MBD5: variants seen among roughly 807,000 people sequenced by gnomAD.
MBD5 encodes the protein methyl-CpG-binding domain protein 5.
A neutral mutation model predicts 117.3 loss-of-function variants in MBD5; 13 were observed. That is an observed-to-expected ratio of 0.11 (90% confidence interval 0.07 to 0.18). MBD5 has a LOEUF of 0.18. MBD5 is among the 10% of genes least tolerant of loss of function. The pLI is 1.00. For synonymous variants in MBD5, 727 were observed against 766.4 expected (o/e 0.95, Z 0.85); for missense variants, 1,879 against 2,093.8 (o/e 0.90, Z 2.00).
chr2:148,055,067 C>G (rs1007769266), intron 1 of MBD5: 2 of 152,110 alleles, frequency 1.3e-5, no homozygotes, highest in Non-Finnish European at 2.9e-5. Context: ...CATGATTCTA[C>G]TTTAGATTCA....
intron 4 of MBD5, among the ~76,000 whole-genome samples, chr2:148,419,216 T>C (rs1418990575): frequency 6.6e-6 from 1 of 152,160 alleles, no homozygotes; most frequent in Non-Finnish European, 1.5e-5. Flanking sequence ...TCTTTCCATA[T>C]GCAAAAATGA....
intron 10 of MBD5, among the ~76,000 whole-genome samples, chr2:148,487,553 A>G (rs534071306): frequency 6.6e-6 from 1 of 152,312 alleles, no homozygotes; most frequent in East Asian, 1.9e-4. Flanking sequence ...GTCACTGAGA[A>G]AAAAGGTAAG....
In MBD5 at chr2:148,034,071, T is replaced by G. The variant is rs187030530; in HGVS notation, c.-925+12387T>G. 5.1e-3 allele frequency among the ~76,000 whole-genome samples: 775 copies of G among 152,266 alleles called. 5 individuals carry two copies. Among genetic ancestry groups the G allele is most frequent in the Non-Finnish European group, 7.6e-3 (515 of 68,014 alleles). On this transcript the variant is annotated intron_variant, in intron 1 of 13. Coordinates refer to ENST00000642680, the MANE Select transcript of MBD5 (RefSeq NM_001378120.1). The stretch of plus-strand genomic sequence containing the variant: ...TTAGCCAGGCATGGGGGCAAGTGCC[T>G]GTAGTCCCAGGTCCTTTGGAGGCTG...
chr2:148,254,158 A>G (rs1467548136), intron 3 of MBD5, among the ~76,000 whole-genome samples: 1 of 152,096 alleles, frequency 6.6e-6, no homozygotes, highest in Non-Finnish European at 1.5e-5. Context: ...AGGGATGCCC[A>G]CCCTCTCTGC....
In MBD5 at chr2:148,294,501, G is replaced by GTTTTTTTTTTTTTTTT. The variant is rs58961481; in HGVS notation, c.-679-47708_-679-47693dup. Among the ~76,000 whole-genome samples the GTTTTTTTTTTTTTTTT allele has an allele frequency of 5.8e-4, 66 of 113,234 alleles. 3 individuals are homozygous for GTTTTTTTTTTTTTTTT. Among genetic ancestry groups the GTTTTTTTTTTTTTTTT allele is most frequent in the Middle Eastern group, 4.6e-3 (1 of 218 alleles). The allele number at this position is 113,234 out of a possible 152,430, so 74.3% of individuals were successfully genotyped here. A position where few individuals can be genotyped will look rare whatever the true frequency, so the allele number is the denominator to read the frequency against. ...GGCCTCCCAAAGTGCTGGGATTACA[G>GTTTTTTTTTTTTTTTT]TTTTTTTTTTTTTTTTTTTTGAGAT... is the stretch of plus-strand genomic sequence containing the variant. On this transcript the variant is annotated intron_variant, in intron 3 of 13. Transcript: ENST00000642680.
chr2:148,339,521 C>G (rs1702884875), intron 3 of MBD5, among the ~76,000 whole-genome samples: 1 of 152,102 alleles, frequency 6.6e-6, no homozygotes, highest in Non-Finnish European at 1.5e-5. Flanking sequence ...TCTCAATGAA[C>G]TCATCTCTCA....
chr2:148,114,078 T>TG (rs1276816956), intron 1 of MBD5, among the ~76,000 whole-genome samples: 3 of 152,210 alleles, frequency 2.0e-5, no homozygotes, highest in African/African-American at 7.2e-5. Flanking sequence ...TTCCCATTAT[T>TG]GGTTCAAATA....
In MBD5 at chr2:148,489,300, T is replaced by G. The variant is rs542358586; in HGVS notation, c.3754-86T>G. 3.1e-4 allele frequency: 463 copies of G among 1,506,940 alleles called. 2 individuals are homozygous for G. In the Admixed American group the frequency reaches 7.9e-3, roughly 26 times the overall value. 93.3% of individuals were successfully genotyped at this position (1,506,940 alleles called of 1,614,324 possible). A position where few individuals can be genotyped will look rare whatever the true frequency, so the allele number is the denominator to read the frequency against. ...TCCTTGTTAATATTTGTTTGTCTTTTGGTAAATTTTAAAATTATAGTCTTT... is the reference window on the plus strand; with the variant it reads ...TCCTTGTTAATATTTGTTTGTCTTTGGGTAAATTTTAAAATTATAGTCTTT... On this transcript the variant is annotated intron_variant, in intron 10 of 13. Coordinates refer to ENST00000642680, the MANE Select transcript of MBD5 (RefSeq NM_001378120.1).
chr2:148,025,740 G>C (rs959896903), intron 1 of MBD5: 1 of 152,110 alleles, frequency 6.6e-6, no homozygotes, highest in African/African-American at 2.4e-5. Flanking sequence ...TTATTCTGCA[G>C]TAATTAGTGT....
chr2:148,075,073 G>A (rs1207811064), intron 1 of MBD5, among the ~76,000 whole-genome samples: 2 of 152,100 alleles, frequency 1.3e-5, no homozygotes, highest in Admixed American at 6.5e-5. Flanking sequence ...TAATAGAGAT[G>A]CAGTAGAAAA....
chr2:148,232,125 A>AAATCAAGAG (rs1292804511), intron 2 of MBD5, among the ~76,000 whole-genome samples: 1 of 152,228 alleles, frequency 6.6e-6, no homozygotes, highest in Non-Finnish European at 1.5e-5. Context: ...TCAAAGACTT[A>AAATCAAGAG]AATCAAGAGT....
intron 10 of MBD5, among the ~76,000 whole-genome samples, chr2:148,487,218 G>C (rs1253437953): frequency 6.6e-6 from 1 of 152,096 alleles, no homozygotes; most frequent in African/African-American, 2.4e-5. Flanking sequence ...ATAATCATAC[G>C]CTAAAGGAAA....
At position 148,490,163 on chromosome 2, in the gene MBD5, G is replaced by A. The variant is rs761097979; in HGVS notation, c.4531G>A (p.Glu1511Lys). Residue 1511 changes from glutamate to lysine, a missense_variant, in exon 11 of 14, where the codon GAG becomes AAG. Physicochemically the swap from Glu to Lys is moderately conservative, Grantham distance 56. Transcript: ENST00000642680. ...NYKRTMMSFK[E>K]RLENTVERCA... ...CAAAAGAACTATGATGAGTTTTAAG[G>A]AGAGACTAGAGAACACTGTGGAAAG... The A allele has an allele frequency of 6.2e-7, 1 of 1,614,022 alleles. No individual in the cohort carries two copies. Among genetic ancestry groups the A allele is most frequent in the South Asian group, 1.1e-5 (1 of 91,044 alleles).
chr2:148,403,776 A>G (rs1704996270), intron 4 of MBD5, among the ~76,000 whole-genome samples: 1 of 152,090 alleles, frequency 6.6e-6, no homozygotes, highest in Non-Finnish European at 1.5e-5. Context: ...TTCGTTCAAT[A>G]CAATTCTGTC....
intron 4 of MBD5, among the ~76,000 whole-genome samples, chr2:148,382,864 A>G (rs1413943188): frequency 6.6e-6 from 1 of 152,024 alleles, no homozygotes. Flanking sequence ...TACTGGGTAC[A>G]TAACGAAATG....
intron 1 of MBD5, among the ~76,000 whole-genome samples, chr2:148,029,982 AAGTT>A (rs1464754185): frequency 1.3e-5 from 2 of 152,168 alleles, no homozygotes; most frequent in Admixed American, 1.3e-4. Context: ...GTAATATAAA[AAGTT>A]AGGGGCCAGG....
At chr2:148,456,316 TG>T (rs1706882454) in intron 4 of MBD5, among the ~76,000 whole-genome samples, 1 of 152,144 alleles carries the variant, frequency 6.6e-6, no homozygotes, top group African/African-American at 2.4e-5. Context: ...ACTCACATGT[TG>T]GAAGAGATCT....
rs113737526 is a variant in MBD5 at position 148,283,809 on chromosome 2, A to G, written c.-680+50414A>G. ...CCTCTGGGAGCCCAGAAAAAAAGTT[A>G]GCACACAAACATAGCTACACTCAGC... On this transcript the variant is annotated intron_variant, in intron 3 of 13. Coordinates refer to ENST00000642680, the MANE Select transcript of MBD5 (RefSeq NM_001378120.1). Among the ~76,000 whole-genome samples the G allele has an allele frequency of 5.6e-3, 846 of 152,350 alleles. 9 individuals carry two copies. The highest frequency in any genetic ancestry group is 0.02 in the African/African-American group (819 of 41,592).
intron 1 of MBD5, among the ~76,000 whole-genome samples, chr2:148,135,274 A>C (rs1391906104): frequency 2.0e-5 from 3 of 152,186 alleles, no homozygotes; most frequent in Non-Finnish European, 4.4e-5. Flanking sequence ...CACAAACAAA[A>C]TTCTTCAAAC....
Sources: gnomAD v4.1 joint callset for allele counts (sites outside exome capture counted in the v4.1 genomes callset) on GRCh38, gnomAD v4.1.1 for gene constraint, MANE v1.5 for transcripts, NCBI Gene and HGNC (gene_info 2026-07-23, HGNC 2026-07-21) for gene names.